The following CNTN5 variants were observed in gnomAD, a reference collection of about 807,000 sequenced individuals.
CNTN5 encodes the protein contactin 5.
A neutral mutation model predicts 129.1 loss-of-function variants in CNTN5; 77 were observed. The observed-to-expected ratio is 0.60, with a 90% CI of 0.50 to 0.72. The LOEUF (loss-of-function observed/expected upper bound fraction) is 0.72, where lower values mean the gene tolerates loss of function less well. CNTN5 is among the 30% of genes least tolerant of loss of function. The pLI is 0.00. For missense variants in CNTN5, 1,478 were observed against 1,328.8 expected (o/e 1.11, Z -1.75); for synonymous variants, 509 against 465.6 (o/e 1.09, Z -1.20).
intron 17 of CNTN5, among the ~76,000 whole-genome samples, chr11:100,260,168 T>A (rs1950166809): frequency 2.6e-5 from 4 of 152,054 alleles, no homozygotes; most frequent in Admixed American, 6.5e-5. Flanking sequence ...TGTAAACACC[T>A]CTTTGCAAAT....
chr11:99,238,927 TG>T (rs1861409948), intron 1 of CNTN5, among the ~76,000 whole-genome samples: 1 of 152,128 alleles, frequency 6.6e-6, no homozygotes, highest in African/African-American at 2.4e-5. Flanking sequence ...ATTTGGCAAA[TG>T]TAGAAAAGTT....
At position 100,162,001 on chromosome 11, in the gene CNTN5, G is replaced by T. The variant is rs553692889; in HGVS notation, c.1581-29125G>T. On this transcript the variant is annotated intron_variant, in intron 13 of 24. Coordinates refer to ENST00000524871, the MANE Select transcript of CNTN5 (RefSeq NM_014361.4). ...TAATGGAACTTTAAAATTGAGAGTG[G>T]TTCACTATGCTATGGAGGAGTGAGG... 1.3e-4 allele frequency among the ~76,000 whole-genome samples: 20 copies of T among 151,774 alleles called. No homozygotes were observed. In the East Asian group the frequency reaches 3.8e-3, roughly 29 times the overall value.
chr11:99,757,777 A>T (rs1273354141), intron 3 of CNTN5, among the ~76,000 whole-genome samples: 1 of 152,102 alleles, frequency 6.6e-6, no homozygotes, highest in Non-Finnish European at 1.5e-5. Flanking sequence ...TATGTAAGCT[A>T]AGACAAGTTA....
chr11:99,500,550 C>G (rs543503368), intron 2 of CNTN5, among the ~76,000 whole-genome samples: 1 of 151,848 alleles, frequency 6.6e-6, no homozygotes, highest in East Asian at 1.9e-4. Flanking sequence ...CTTTCCTTCT[C>G]TCTATACATT....
intron 2 of CNTN5, among the ~76,000 whole-genome samples, chr11:99,530,834 A>G (rs1947674583): frequency 6.6e-6 from 1 of 152,202 alleles, no homozygotes. Context: ...GCCCTCTGCC[A>G]TGATTATGAG....
chr11:99,822,678 C>G (rs1162052942), intron 4 of CNTN5, among the ~76,000 whole-genome samples: 1 of 152,134 alleles, frequency 6.6e-6, no homozygotes, highest in Non-Finnish European at 1.5e-5. Context: ...CTTACTGATA[C>G]TTTATTTCTT....
intron 3 of CNTN5, among the ~76,000 whole-genome samples, chr11:99,783,811 G>A (rs965044620): frequency 1.5e-4 from 23 of 151,388 alleles, no homozygotes; most frequent in African/African-American, 5.3e-4. Context: ...CACACTCTGG[G>A]GACTGTTGTG....
chr11:99,804,496 A>T (rs1291278794), intron 3 of CNTN5, among the ~76,000 whole-genome samples: 1 of 151,830 alleles, frequency 6.6e-6, no homozygotes, highest in Non-Finnish European at 1.5e-5. Context: ...GTTCACCTAA[A>T]GCCATGAGTC....
At chr11:99,819,502 T>C (rs367832129) in intron 3 of CNTN5, 42 bp from the exon 4 acceptor site, 3 of 1,527,386 alleles carry the variant, frequency 2.0e-6, no homozygotes, top group South Asian at 1.2e-5. Flanking sequence ...AATAAACTAG[T>C]TTCCTCAAAA....
chr11:99,990,296 T>G (rs1037439623), intron 8 of CNTN5, among the ~76,000 whole-genome samples: 1 of 152,148 alleles, frequency 6.6e-6, no homozygotes, highest in Non-Finnish European at 1.5e-5. Context: ...GATTATAGTG[T>G]AAGCCAGCCC....
intron 3 of CNTN5, among the ~76,000 whole-genome samples, chr11:99,761,231 G>C (rs1212181641): frequency 2.0e-5 from 3 of 151,812 alleles, no homozygotes; most frequent in Admixed American, 1.3e-4. Context: ...TAAATCTTCA[G>C]GTAAAGTTTC....
intron 6 of CNTN5, among the ~76,000 whole-genome samples, chr11:99,886,329 C>G (rs985226474): frequency 2.0e-5 from 3 of 151,942 alleles, no homozygotes; most frequent in African/African-American, 7.2e-5. Flanking sequence ...ATATAAAGGA[C>G]TTCTACAAAT....
chr11:99,124,421 C>A (rs1858514729), intron 1 of CNTN5, among the ~76,000 whole-genome samples: 2 of 152,060 alleles, frequency 1.3e-5, no homozygotes, highest in East Asian at 3.9e-4. Flanking sequence ...TTTCAGGGAG[C>A]TTTTCTGCAG....
chr11:99,552,027 C>A (rs947810690), intron 2 of CNTN5, among the ~76,000 whole-genome samples: 28 of 151,466 alleles, frequency 1.8e-4, no homozygotes, highest in African/African-American at 6.8e-4. Context: ...CATGTCTCAG[C>A]CTCTCAAGTA....
At chr11:99,670,181 A>G (rs752926992) in intron 3 of CNTN5, among the ~76,000 whole-genome samples, 1 of 152,312 alleles carries the variant, frequency 6.6e-6, no homozygotes, top group Admixed American at 6.5e-5. Flanking sequence ...ATTAATAGGA[A>G]GTATTCTTAG....
chr11:100,029,298 A>T (rs1941583976), intron 9 of CNTN5, among the ~76,000 whole-genome samples: 1 of 152,204 alleles, frequency 6.6e-6, no homozygotes, highest in Non-Finnish European at 1.5e-5. Flanking sequence ...AAACATGCTA[A>T]TTGGCCGGGC....
chr11:99,284,051 A>G (rs1314206082), intron 1 of CNTN5, among the ~76,000 whole-genome samples: 1 of 152,138 alleles, frequency 6.6e-6, no homozygotes, highest in African/African-American at 2.4e-5. Context: ...CAATGTATCT[A>G]TGTACTAGCA....
At chr11:99,994,267 C>A (rs191747113) in intron 8 of CNTN5, among the ~76,000 whole-genome samples, 2 of 152,064 alleles carry the variant, frequency 1.3e-5, no homozygotes, top group East Asian at 3.9e-4. Flanking sequence ...GTCATTAACT[C>A]TTTGGTATTA....
At chr11:99,822,734 A>G (rs1946839088) in intron 4 of CNTN5, among the ~76,000 whole-genome samples, 1 of 152,214 alleles carries the variant, frequency 6.6e-6, no homozygotes, top group African/African-American at 2.4e-5. Flanking sequence ...GTGACTAGAC[A>G]CTAAAATGTC....
Sources: allele counts gnomAD v4.1 joint callset (sites outside exome capture counted in the v4.1 genomes callset), GRCh38; gene constraint gnomAD v4.1.1; transcripts MANE v1.5; gene names NCBI Gene and HGNC (gene_info 2026-07-23, HGNC 2026-07-21).